The following ANGPT1 variants were observed in gnomAD, a reference collection of about 807,000 sequenced individuals.
The protein encoded by ANGPT1 is angiopoietin 1.
In ANGPT1, 17 loss-of-function variants were observed where a neutral mutation model predicts 62.2. That is an observed-to-expected ratio of 0.27 (90% CI 0.19 to 0.41). The LOEUF (loss-of-function observed/expected upper bound fraction) is 0.41, where lower values mean the gene tolerates loss of function less well. Ranked by LOEUF, ANGPT1 falls within the 10% of genes least tolerant of loss-of-function variation. The pLI is 1.00. For missense variants in ANGPT1, 478 were observed against 594.9 expected (o/e 0.80, Z 2.04); for synonymous variants, 199 against 198.9 (o/e 1.00, Z 0.00).
At chr8:107,492,142 T>G (rs1397649206) in intron 1 of ANGPT1, among the ~76,000 whole-genome samples, 3 of 152,182 alleles carry the variant, frequency 2.0e-5, no homozygotes, top group Non-Finnish European at 2.9e-5. Context: ...GAAGGGCTCT[T>G]ACTTGGCTTG....
chr8:107,301,355 T>C (rs752284588), intron 5 of ANGPT1, among the ~76,000 whole-genome samples: 1 of 151,894 alleles, frequency 6.6e-6, no homozygotes, highest in Non-Finnish European at 1.5e-5. Flanking sequence ...TGAGTAGTAC[T>C]GTAGGTAAAT....
intron 1 of ANGPT1, among the ~76,000 whole-genome samples, chr8:107,469,071 C>T (rs1398369532): frequency 6.6e-6 from 1 of 152,008 alleles, no homozygotes; most frequent in Non-Finnish European, 1.5e-5. Flanking sequence ...ACAAATTTAA[C>T]TCATTCATTT....
At chr8:107,330,110 A>T (rs769800583) in intron 3 of ANGPT1, among the ~76,000 whole-genome samples, 1 of 152,138 alleles carries the variant, frequency 6.6e-6, no homozygotes, top group Non-Finnish European at 1.5e-5. Context: ...GCAAACATCA[A>T]ATATGTCTGA....
chr8:107,351,367 C>T (rs1178450544), intron 1 of ANGPT1, among the ~76,000 whole-genome samples: 9 of 151,904 alleles, frequency 5.9e-5, no homozygotes, highest in Non-Finnish European at 8.8e-5. Flanking sequence ...GTTAGAAATC[C>T]GAGGCCTTCA....
intron 4 of ANGPT1, among the ~76,000 whole-genome samples, chr8:107,305,937 T>C (rs1013858650): frequency 6.6e-6 from 1 of 152,078 alleles, no homozygotes; most frequent in South Asian, 2.1e-4. Flanking sequence ...TTTTATTATA[T>C]ACTACGGTTT....
chr8:107,393,846 G>A (rs1348158176), intron 1 of ANGPT1, among the ~76,000 whole-genome samples: 1 of 152,104 alleles, frequency 6.6e-6, no homozygotes, highest in Non-Finnish European at 1.5e-5. Context: ...AATGGGGGAT[G>A]AACCTGACCT....
At chr8:107,467,397 CA>C (rs1812232441) in intron 1 of ANGPT1, among the ~76,000 whole-genome samples, 1 of 151,466 alleles carries the variant, frequency 6.6e-6, no homozygotes, top group Admixed American at 6.6e-5. Flanking sequence ...ATGAGCCCAC[CA>C]AAACGTACAA....
chr8:107,288,797 T>C (rs1249169638), intron 6 of ANGPT1, among the ~76,000 whole-genome samples: 1 of 152,152 alleles, frequency 6.6e-6, no homozygotes, highest in Non-Finnish European at 1.5e-5. Flanking sequence ...TGTCTGGGAC[T>C]GTCCTTCAAA....
At chr8:107,374,978 G>A (rs1487665318) in intron 1 of ANGPT1, among the ~76,000 whole-genome samples, 2 of 152,132 alleles carry the variant, frequency 1.3e-5, no homozygotes, top group Non-Finnish European at 2.9e-5. Flanking sequence ...TGGCCAACAT[G>A]GTGAAACCCT....
intron 1 of ANGPT1, among the ~76,000 whole-genome samples, chr8:107,408,789 G>A (rs980132718): frequency 2.0e-5 from 3 of 152,138 alleles, no homozygotes. Flanking sequence ...GGCTTTAGAG[G>A]CTTGGCTAAT....
At chr8:107,406,896 A>T (rs1817160155) in intron 1 of ANGPT1, among the ~76,000 whole-genome samples, 2 of 150,360 alleles carry the variant, frequency 1.3e-5, no homozygotes. Flanking sequence ...AAAAAAAAAA[A>T]AAAGCAATTC....
chr8:107,318,650 T>C (rs1323983507), intron 4 of ANGPT1, among the ~76,000 whole-genome samples: 1 of 152,194 alleles, frequency 6.6e-6, no homozygotes. Flanking sequence ...CATTTACTTG[T>C]TTATGTATGT....
intron 1 of ANGPT1, among the ~76,000 whole-genome samples, chr8:107,415,376 C>G (rs1023237375): frequency 2.0e-5 from 3 of 152,112 alleles, no homozygotes; most frequent in African/African-American, 7.2e-5. Flanking sequence ...ACATTCTACC[C>G]TAAGTGGAAA....
intron 8 of ANGPT1, among the ~76,000 whole-genome samples, chr8:107,255,575 G>A (rs1813339624): frequency 6.6e-6 from 1 of 152,200 alleles, no homozygotes; most frequent in African/African-American, 2.4e-5. Flanking sequence ...TTATTGAATC[G>A]TTCATATGAA....
In ANGPT1 at chr8:107,497,449, T is replaced by C. The variant is rs201164014; in HGVS notation, c.110A>G (p.Gln37Arg). ...GAAAGTGTAGGCACATTGCCCATGT[T>C]GAATCCGGTTATATCTTCTCCCACT... ...ENSGRRYNRIQHGQCAYTFIL... is the reference protein window; with the variant it reads ...ENSGRRYNRIRHGQCAYTFIL... Residue 37 changes from glutamine to arginine, a missense_variant, in exon 1 of 9, where the codon CAA (glutamine) becomes CGA (arginine). Transcript: ENST00000517746. 2.0e-5 allele frequency: 32 copies of C among 1,614,086 alleles called. No homozygotes were observed. Among genetic ancestry groups the C allele is most frequent in the Non-Finnish European group, 9.3e-6 (11 of 1,180,044 alleles).
At chr8:107,262,307 A>G (rs2050776806) in intron 8 of ANGPT1, among the ~76,000 whole-genome samples, 1 of 152,206 alleles carries the variant, frequency 6.6e-6, no homozygotes, top group Non-Finnish European at 1.5e-5. Context: ...TTAAAATTTG[A>G]AAGTTATTTC....
chr8:107,395,831 A>T (rs1049956896), intron 1 of ANGPT1, among the ~76,000 whole-genome samples: 5 of 152,168 alleles, frequency 3.3e-5, no homozygotes, highest in African/African-American at 1.2e-4. Flanking sequence ...TCCAAGAAAA[A>T]GATAGGATGT....
intron 1 of ANGPT1, among the ~76,000 whole-genome samples, chr8:107,431,201 A>T (rs892528731): frequency 1.3e-5 from 2 of 152,224 alleles, no homozygotes; most frequent in Non-Finnish European, 2.9e-5. Context: ...ATTACATTGT[A>T]TATAGTATAT....
intron 1 of ANGPT1, among the ~76,000 whole-genome samples, chr8:107,474,521 G>A (rs1032524820): frequency 3.9e-5 from 6 of 152,154 alleles, no homozygotes; most frequent in Non-Finnish European, 8.8e-5. Context: ...TTGAAAACTG[G>A]CACAAGACAG....
Sources: allele counts gnomAD v4.1 joint callset (sites outside exome capture counted in the v4.1 genomes callset), GRCh38; gene constraint gnomAD v4.1.1; transcripts MANE v1.5; gene names NCBI Gene and HGNC (gene_info 2026-07-23, HGNC 2026-07-21).